The following AGBL4 variants were observed in gnomAD, a reference collection of about 807,000 sequenced individuals.
AGBL4 encodes the protein AGBL carboxypeptidase 4.
A neutral mutation model predicts 66.4 loss-of-function variants in AGBL4; 58 were observed. The observed-to-expected ratio is 0.87, with a 90% confidence interval of 0.71 to 1.09. AGBL4 has a LOEUF of 1.09. Among genes scored for constraint, AGBL4 ranks in the 50% least tolerant of loss-of-function variants. AGBL4 has a pLI of 0.00. For synonymous variants in AGBL4, 234 were observed against 222.9 expected (o/e 1.05, Z -0.44); for missense variants, 579 against 631.0 (o/e 0.92, Z 0.88).
intron 3 of AGBL4, among the ~76,000 whole-genome samples, chr1:49,346,880 C>CG (rs762716402): frequency 1.1e-4 from 16 of 152,144 alleles, no homozygotes; most frequent in Non-Finnish European, 1.8e-4. Flanking sequence ...CTGAGACCTG[C>CG]TGGACTGCAT....
intron 3 of AGBL4, among the ~76,000 whole-genome samples, chr1:49,355,135 C>T (rs919094400): frequency 4.6e-5 from 7 of 152,302 alleles, no homozygotes; most frequent in African/African-American, 1.2e-4. Context: ...ATCAACTTTT[C>T]GAAGTCGACT....
chr1:48,861,307 G>A (rs570430693), intron 6 of AGBL4, among the ~76,000 whole-genome samples: 112 of 152,276 alleles, frequency 7.4e-4, no homozygotes, highest in African/African-American at 2.6e-3. Context: ...AATTGTTGAA[G>A]AGAGTCAAAG....
At chr1:49,113,669 T>C (rs1337241316) in intron 4 of AGBL4, among the ~76,000 whole-genome samples, 1 of 152,218 alleles carries the variant, frequency 6.6e-6, no homozygotes, top group Admixed American at 6.5e-5. Context: ...TTATAAAATG[T>C]ATTTCTTAAA....
chr1:48,851,851 CATAG>C (rs1195982273), intron 6 of AGBL4, among the ~76,000 whole-genome samples: 2 of 151,162 alleles, frequency 1.3e-5, no homozygotes, highest in Non-Finnish European at 2.9e-5. Context: ...AAATGCCAAA[CATAG>C]AGCCTATTGG....
At chr1:48,994,681 G>T (rs576834599) in intron 5 of AGBL4, among the ~76,000 whole-genome samples, 113 of 152,118 alleles carry the variant, frequency 7.4e-4, no homozygotes, top group African/African-American at 2.6e-3. Flanking sequence ...TATATATGAG[G>T]ATATATGGCT....
At chr1:49,810,714 C>T (rs1290111984) in intron 2 of AGBL4, among the ~76,000 whole-genome samples, 1 of 151,956 alleles carries the variant, frequency 6.6e-6, no homozygotes. Context: ...TTAAGTTCAA[C>T]CTAAAGGCTC....
At chr1:49,935,919 A>G (rs956967268) in intron 1 of AGBL4, among the ~76,000 whole-genome samples, 3 of 152,152 alleles carry the variant, frequency 2.0e-5, no homozygotes, top group Non-Finnish European at 4.4e-5. Flanking sequence ...AAACTCTAAA[A>G]AGCAGAGCGC....
intron 6 of AGBL4, among the ~76,000 whole-genome samples, chr1:48,696,457 A>G (rs7539461): frequency 0.11 from 16,937 of 152,132 alleles, 3,115 homozygotes; most frequent in African/African-American, 0.38. Flanking sequence ...CAACCTTACC[A>G]TACAAAAAGG....
intron 1 of AGBL4, among the ~76,000 whole-genome samples, chr1:49,865,510 G>T (rs1646679071): frequency 6.6e-6 from 1 of 152,108 alleles, no homozygotes; most frequent in Admixed American, 6.6e-5. Flanking sequence ...AGCCCTATGG[G>T]AGAGGAGCCT....
chr1:48,888,265 G>A (rs907880606), intron 5 of AGBL4, among the ~76,000 whole-genome samples: 17 of 152,100 alleles, frequency 1.1e-4, no homozygotes, highest in African/African-American at 3.4e-4. Context: ...GCACTAAGGC[G>A]GGCAGTGCTT....
chr1:49,588,427 A>T (rs1393086780), intron 3 of AGBL4, among the ~76,000 whole-genome samples: 7 of 152,320 alleles, frequency 4.6e-5, no homozygotes, highest in Admixed American at 2.0e-4. Context: ...GCAGACACTT[A>T]GAGAATGTCA....
At chr1:49,372,681 CTTTCTTTCTCTTTCTTTCTT>C (rs1644389214) in intron 3 of AGBL4, among the ~76,000 whole-genome samples, 1 of 108,088 alleles carries the variant, frequency 9.3e-6, no homozygotes, top group Non-Finnish European at 1.9e-5. Flanking sequence ...CTTTCTTTCT[CTTTCTTTCTCTTTCTTTCTT>C]TTTCTTTCTC....
intron 2 of AGBL4, among the ~76,000 whole-genome samples, chr1:49,832,827 C>A (rs1645731150): frequency 1.3e-5 from 2 of 152,070 alleles, no homozygotes; most frequent in Admixed American, 1.3e-4. Context: ...GTCCTTTGCC[C>A]ACTTTTTGAT....
chr1:49,004,592 C>T (rs575549590), intron 5 of AGBL4, among the ~76,000 whole-genome samples: 1 of 152,182 alleles, frequency 6.6e-6, no homozygotes, highest in Non-Finnish European at 1.5e-5. Context: ...CAGTCCTTGT[C>T]CATAATTAGT....
intron 9 of AGBL4, among the ~76,000 whole-genome samples, chr1:48,626,738 C>G (rs1356156572): frequency 6.6e-6 from 1 of 152,208 alleles, no homozygotes; most frequent in South Asian, 2.1e-4. Context: ...TACTGCCACA[C>G]AGTTTCAGCT....
chr1:49,770,058 G>C (rs1022683561), intron 2 of AGBL4, among the ~76,000 whole-genome samples: 1 of 151,990 alleles, frequency 6.6e-6, no homozygotes, highest in Non-Finnish European at 1.5e-5. Context: ...AAAATATTTC[G>C]GCTGGGCGCG....
intron 4 of AGBL4, among the ~76,000 whole-genome samples, chr1:49,065,337 T>A (rs1383163572): frequency 6.6e-6 from 1 of 152,028 alleles, no homozygotes; most frequent in Non-Finnish European, 1.5e-5. Context: ...CTGAAGAGAG[T>A]GGCTTCAAAC....
chr1:49,920,232 G>C (rs1028050137), intron 1 of AGBL4, among the ~76,000 whole-genome samples: 15 of 152,136 alleles, frequency 9.9e-5, no homozygotes, highest in Non-Finnish European at 1.8e-4. Context: ...AGCCAAAATT[G>C]ACAAATGGGA....
chr1:49,511,785 C>T (rs895211414), intron 3 of AGBL4, among the ~76,000 whole-genome samples: 4 of 151,774 alleles, frequency 2.6e-5, no homozygotes, highest in Admixed American at 1.3e-4. Flanking sequence ...TTCTGTTGGA[C>T]AGAATGACCT....
Sources: gnomAD v4.1 joint callset for allele counts (sites outside exome capture counted in the v4.1 genomes callset) on GRCh38, gnomAD v4.1.1 for gene constraint, MANE v1.5 for transcripts, NCBI Gene and HGNC (gene_info 2026-07-23, HGNC 2026-07-21) for gene names.